The following PPP1R9A variants were observed in gnomAD, a reference collection of about 807,000 sequenced individuals.
The protein encoded by PPP1R9A is neurabin-1.
PPP1R9A carries 59 observed loss-of-function variants against 141.9 expected under a neutral mutation model. That is an observed-to-expected ratio of 0.42 (90% CI 0.34 to 0.52). The LOEUF is 0.52. Ranked by LOEUF, PPP1R9A falls within the 20% of genes least tolerant of loss-of-function variation. PPP1R9A has a pLI of 0.10. For missense variants in PPP1R9A, 1,444 were observed against 1,611.9 expected (o/e 0.90, Z 1.78); for synonymous variants, 500 against 569.7 (o/e 0.88, Z 1.74).
At chr7:94,989,068 A>T (rs1022211070) in intron 2 of PPP1R9A, among the ~76,000 whole-genome samples, 4 of 152,028 alleles carry the variant, frequency 2.6e-5, no homozygotes, top group Non-Finnish European at 5.9e-5. Context: ...CTTGCATCAG[A>T]ATTACCTGGA....
chr7:95,102,215 A>G (rs753530598), intron 2 of PPP1R9A, among the ~76,000 whole-genome samples: 2 of 152,234 alleles, frequency 1.3e-5, no homozygotes, highest in Non-Finnish European at 2.9e-5. Flanking sequence ...TCTAGATAGA[A>G]ATATGGGTCC....
At chr7:94,909,656 G>A in intron 1 of PPP1R9A, among the ~76,000 whole-genome samples, 2 of 149,388 alleles carry the variant, frequency 1.3e-5, no homozygotes, top group East Asian at 3.9e-4. Flanking sequence ...GTGTGTATGT[G>A]TTTGTGTGTG....
At chr7:95,099,683 T>C (rs1818500295) in intron 2 of PPP1R9A, among the ~76,000 whole-genome samples, 1 of 152,164 alleles carries the variant, frequency 6.6e-6, no homozygotes, top group Admixed American at 6.5e-5. Context: ...TAGGCAATAC[T>C]ATACCTTAAA....
In PPP1R9A at chr7:95,250,169, G is replaced by A; in HGVS notation, c.2310G>A (p.Glu770=). Residue 770 remains glutamate, a synonymous_variant, in exon 10 of 20, where the codon GAG becomes GAA. Transcript: ENST00000433360. ...EAQTLCHTVN[E]HLKETQSQYQ... is the part of the protein sequence containing the mutation. ...AAACATTATGCCACACAGTGAATGA[G>A]CATCTCAAAGAGACTCAAAGCCAGT... 1 of 1,613,926 alleles carries A rather than the reference G, an allele frequency of 6.2e-7. No individual in the cohort carries two copies. The highest frequency in any genetic ancestry group is 8.5e-7 in the Non-Finnish European group (1 of 1,179,934).
At chr7:94,911,755 G>A (rs1291929097) in intron 2 of PPP1R9A, among the ~76,000 whole-genome samples, 3 of 152,090 alleles carry the variant, frequency 2.0e-5, no homozygotes, top group Non-Finnish European at 2.9e-5. Flanking sequence ...GAAGAAGTTC[G>A]GGAATTGTGA....
chr7:95,098,960 G>C (rs1189656406), intron 2 of PPP1R9A, among the ~76,000 whole-genome samples: 1 of 152,092 alleles, frequency 6.6e-6, no homozygotes, highest in Non-Finnish European at 1.5e-5. Context: ...ACCCTCTTTG[G>C]TGTGCCCGGC....
chr7:94,955,193 C>A (rs1796955675), intron 2 of PPP1R9A, among the ~76,000 whole-genome samples: 1 of 151,964 alleles, frequency 6.6e-6, no homozygotes, highest in East Asian at 1.9e-4. Context: ...TAAGCCCTCT[C>A]ATTTTTTTGT....
chr7:94,971,884 T>C (rs1798894256), intron 2 of PPP1R9A, among the ~76,000 whole-genome samples: 1 of 152,242 alleles, frequency 6.6e-6, no homozygotes, highest in African/African-American at 2.4e-5. Context: ...TCTTTCTTCC[T>C]AAGTTTTTCC....
chr7:95,211,719 G>C (rs1792172074), intron 7 of PPP1R9A, among the ~76,000 whole-genome samples: 1 of 152,138 alleles, frequency 6.6e-6, no homozygotes, highest in Non-Finnish European at 1.5e-5. Context: ...AGGAGTGGTG[G>C]CTCACACCTG....
At chr7:94,939,784 G>GTA (rs1308050184) in intron 2 of PPP1R9A, among the ~76,000 whole-genome samples, 3 of 140,826 alleles carry the variant, frequency 2.1e-5, no homozygotes, top group East Asian at 2.1e-4. Context: ...ATATATATAT[G>GTA]TATATATATG....
intron 2 of PPP1R9A, among the ~76,000 whole-genome samples, chr7:95,078,932 G>T (rs909931823): frequency 6.6e-6 from 1 of 152,052 alleles, no homozygotes; most frequent in Non-Finnish European, 1.5e-5. Context: ...TTTGTAGGTT[G>T]CCTGTTCACT....
intron 4 of PPP1R9A, among the ~76,000 whole-genome samples, chr7:95,131,207 G>C (rs538615544): frequency 6.6e-6 from 1 of 152,220 alleles, no homozygotes; most frequent in Admixed American, 6.5e-5. Flanking sequence ...GGTCTTTCCT[G>C]TGCTGTTGTC....
intron 2 of PPP1R9A, among the ~76,000 whole-genome samples, chr7:95,030,605 A>G (rs1807531411): frequency 6.6e-6 from 1 of 152,162 alleles, no homozygotes; most frequent in Non-Finnish European, 1.5e-5. Context: ...TTCCTGTCCA[A>G]GTGTTAGCTC....
intron 2 of PPP1R9A, among the ~76,000 whole-genome samples, chr7:95,013,123 C>T (rs1404549410): frequency 6.6e-6 from 1 of 152,112 alleles, no homozygotes; most frequent in Non-Finnish European, 1.5e-5. Context: ...TACATGCAGA[C>T]TCACTACCCA....
chr7:95,013,741 T>C (rs1406851690), intron 2 of PPP1R9A, among the ~76,000 whole-genome samples: 1 of 152,162 alleles, frequency 6.6e-6, no homozygotes, highest in East Asian at 1.9e-4. Flanking sequence ...AAGAAATTTT[T>C]CAGTTCACAT....
At chr7:94,969,201 A>T (rs780049340) in intron 2 of PPP1R9A, among the ~76,000 whole-genome samples, 15 of 152,078 alleles carry the variant, frequency 9.9e-5, no homozygotes, top group Non-Finnish European at 1.8e-4. Flanking sequence ...AAGAGTTGTG[A>T]TGATCCTTTG....
intron 12 of PPP1R9A, among the ~76,000 whole-genome samples, chr7:95,261,166 C>T (rs960265892): frequency 6.6e-6 from 1 of 152,112 alleles, no homozygotes; most frequent in Non-Finnish European, 1.5e-5. Flanking sequence ...AGGTGGGTCA[C>T]AGTGTTCACG....
chr7:95,286,139 G>T lies in PPP1R9A; in HGVS notation c.3610-67G>T, dbSNP rs1047895119. The T allele has an allele frequency of 2.5e-6, 4 of 1,589,624 alleles. No individual in the cohort carries two copies. In the African/African-American group the frequency reaches 5.4e-5, roughly 21 times the overall value. ...GTTTAAAAGAGCCCTTTTAGAGCTTGTAGACACACCTACCTCTTGCTCACT... is the reference window on the plus strand; with the variant it reads ...GTTTAAAAGAGCCCTTTTAGAGCTTTTAGACACACCTACCTCTTGCTCACT... On this transcript the variant is annotated intron_variant, in intron 17 of 19. Transcript: ENST00000433360.
chr7:94,979,022 G>A (rs1220156805), intron 2 of PPP1R9A, among the ~76,000 whole-genome samples: 2 of 152,062 alleles, frequency 1.3e-5, no homozygotes, highest in Admixed American at 6.6e-5. Flanking sequence ...GTCTCGAACT[G>A]CTGACCTCAA....
Sources: allele counts gnomAD v4.1 joint callset (sites outside exome capture counted in the v4.1 genomes callset), GRCh38; gene constraint gnomAD v4.1.1; transcripts MANE v1.5; gene names NCBI Gene and HGNC (gene_info 2026-07-23, HGNC 2026-07-21).